Variants in MFSD8 observed in about 807,000 individuals in gnomAD.
The protein encoded by MFSD8 is major facilitator superfamily domain containing 8, also known as major facilitator superfamily domain-containing protein 8.
Under a neutral mutation model 66.4 loss-of-function variants are expected in MFSD8, and 55 were observed. The observed-to-expected ratio is 0.83, with a 90% CI of 0.67 to 1.04. The LOEUF (loss-of-function observed/expected upper bound fraction) is 1.04. Among genes scored for constraint, MFSD8 ranks in the 50% least tolerant of loss-of-function variants. The pLI, the probability that MFSD8 is intolerant of heterozygous loss-of-function variation, is 0.00. For synonymous variants in MFSD8, 202 were observed against 212.8 expected (o/e 0.95, Z 0.44); for missense variants, 550 against 627.6 (o/e 0.88, Z 1.32).
intron 9 of MFSD8, among the ~76,000 whole-genome samples, chr4:127,924,122 T>G (rs1736811248): frequency 6.6e-6 from 1 of 152,178 alleles, no homozygotes; most frequent in East Asian, 1.9e-4. Flanking sequence ...TATCTGGTCC[T>G]GGGCTTTTTT....
At chr4:127,942,604 C>G (rs1260161593) in intron 4 of MFSD8, among the ~76,000 whole-genome samples, 1 of 151,240 alleles carries the variant, frequency 6.6e-6, no homozygotes, top group Non-Finnish European at 1.5e-5. Context: ...TGCTTGAACC[C>G]AGGATGCTGA....
chr4:127,961,658 CA>C (rs895899720), intron 1 of MFSD8, among the ~76,000 whole-genome samples: 3 of 151,322 alleles, frequency 2.0e-5, no homozygotes, highest in Non-Finnish European at 3.0e-5. Context: ...ACTAAAAATA[CA>C]AAAAAAATTA....
rs138735042 is a variant in MFSD8, at chr4:127,940,647, T to C, written c.554-650A>G. Among the ~76,000 whole-genome samples, 884 of 151,766 alleles carry C rather than the reference T, an allele frequency of 5.8e-3. 4 individuals are homozygous for C. Among genetic ancestry groups the C allele is most frequent in the Middle Eastern group, 0.014 (4 of 294 alleles). ...AAGCATACATAATCCACCTTAGTATTTGAAGTTTTTTTTAGTGATTTTAAA... is the reference window on the plus strand; with the variant it reads ...AAGCATACATAATCCACCTTAGTATCTGAAGTTTTTTTTAGTGATTTTAAA... On this transcript the variant is annotated intron_variant, in intron 5 of 11. Coordinates refer to ENST00000641686, the MANE Select transcript of MFSD8 (RefSeq NM_001371596.2).
chr4:127,949,650 A>G (rs1424660216), intron 3 of MFSD8, among the ~76,000 whole-genome samples, 154 bp downstream of exon 3: 1 of 152,172 alleles, frequency 6.6e-6, no homozygotes, highest in Non-Finnish European at 1.5e-5. Context: ...ATATGGTCAC[A>G]TTACTTATAA....
chr4:127,935,930 T>C (rs960308092), intron 7 of MFSD8, among the ~76,000 whole-genome samples: 8 of 152,150 alleles, frequency 5.3e-5, no homozygotes, highest in African/African-American at 1.9e-4. Flanking sequence ...TCACATCACA[T>C]GGTAGTTTGT....
rs1249786492 is a variant in MFSD8 at position 127,941,898 on chromosome 4, G to A, written c.553+147C>T. 98 of 666,846 alleles carry A rather than the reference G, an allele frequency of 1.5e-4. No homozygotes were observed. The East Asian group carries it at 2.6e-3, about 18-fold the overall frequency. 41.3% of individuals were successfully genotyped at this position (666,846 alleles called of 1,614,324 possible). ...GGATTGGCATCAAGATAAAATGAGT[G>A]TAGCCTCATTCCTGGATTAAAAAAA... is the stretch of plus-strand genomic sequence containing the variant. On this transcript the variant is annotated intron_variant, in intron 5 of 11. Transcript: ENST00000641686.
At chr4:127,936,138 A>G (rs1221738401) in intron 7 of MFSD8, among the ~76,000 whole-genome samples, 1 of 151,952 alleles carries the variant, frequency 6.6e-6, no homozygotes, top group Non-Finnish European at 1.5e-5. Flanking sequence ...TTTTTGAGAC[A>G]GAGCCTCACT....
intron 6 of MFSD8, 166 bp from the exon 7 acceptor site, chr4:127,939,004 C>G (rs185032988): frequency 4.7e-5 from 22 of 463,726 alleles, no homozygotes; most frequent in Non-Finnish European, 5.4e-5. Context: ...AAACTTAAGA[C>G]AGAAGTTACA....
intron 7 of MFSD8, among the ~76,000 whole-genome samples, chr4:127,937,744 G>A (rs1031821287): frequency 6.6e-6 from 1 of 152,128 alleles, no homozygotes; most frequent in Non-Finnish European, 1.5e-5. Context: ...TGGAATCAAT[G>A]TCAAACTTCT....
chr4:127,965,257 T>C (rs566557774), upstream of MFSD8: 23 of 1,237,194 alleles, frequency 1.9e-5, no homozygotes, highest in Non-Finnish European at 2.4e-5. Flanking sequence ...CGGTCAGACG[T>C]AGGCGGAACG....
intron 3 of MFSD8, among the ~76,000 whole-genome samples, chr4:127,946,417 C>T (rs149516410): frequency 2.0e-5 from 3 of 152,174 alleles, no homozygotes; most frequent in African/African-American, 4.8e-5. Flanking sequence ...GTAGAGAAGA[C>T]GTTGCTCCAG....
At chr4:127,955,571 C>G (rs1218587450) in intron 2 of MFSD8, among the ~76,000 whole-genome samples, 1 of 148,560 alleles carries the variant, frequency 6.7e-6, no homozygotes, top group African/African-American at 2.5e-5. Flanking sequence ...GTGGTATATA[C>G]TGAAGGCAAT....
At chr4:127,921,322 C>T in intron 11 of MFSD8, 1 of 868,706 alleles carries the variant, frequency 1.2e-6, no homozygotes, top group Non-Finnish European at 1.7e-6. Flanking sequence ...ACTCCTACAA[C>T]TTCTGTATCC....
Position 127,943,855 on chromosome 4 carries a change from C to A in MFSD8, c.336G>T (p.Leu112Phe). 2 of 1,614,104 alleles carry A rather than the reference C, an allele frequency of 1.2e-6. No individual in the cohort carries two copies. The highest frequency in any genetic ancestry group is 1.7e-6 in the Non-Finnish European group (2 of 1,180,022). Reference sequence around the variant, plus strand: ...AGAGGCAGTTGGCTGCCACGGAAATCAAGATGGAGACAATAAGAGGCTCTT... The same window carrying A: ...AGAGGCAGTTGGCTGCCACGGAAATAAAGATGGAGACAATAAGAGGCTCTT... ...PRKEPLIVSILISVAANCLYA... is the reference protein window; with the variant it reads ...PRKEPLIVSIFISVAANCLYA... Residue 112 changes from leucine to phenylalanine, a missense_variant, in exon 4 of 12, where the codon TTG (leucine) becomes TTT (phenylalanine). Physicochemically the swap from Leu to Phe is conservative, Grantham distance 22. Transcript: ENST00000641686.
At chr4:127,949,208 C>G (rs1033895543) in intron 3 of MFSD8, among the ~76,000 whole-genome samples, 1 of 152,122 alleles carries the variant, frequency 6.6e-6, no homozygotes, top group Non-Finnish European at 1.5e-5. Context: ...ATTATGTAAC[C>G]AACTTATATA....
At chr4:127,950,692 C>CA (rs113940618) in intron 2 of MFSD8, among the ~76,000 whole-genome samples, 127 of 146,836 alleles carry the variant, frequency 8.6e-4, no homozygotes, top group Non-Finnish European at 1.6e-3. Flanking sequence ...GACTCCATCT[C>CA]AAAAAAAAAT....
At chr4:127,963,966 GA>G (rs975090000) in intron 1 of MFSD8, among the ~76,000 whole-genome samples, 5 of 152,032 alleles carry the variant, frequency 3.3e-5, no homozygotes, top group African/African-American at 1.2e-4. Context: ...AGTGTTGACA[GA>G]AAGGTTCTCC....
rs1736105099 is a variant in MFSD8, at chr4:127,919,345, A to G, written c.*1285T>C. ...ATGAGACACTGCACCCAACCTATAA[A>G]GTGCAGATTATATAGTGTTTATTCT... On this transcript the variant is annotated 3_prime_UTR_variant, in exon 12 of 12. Coordinates refer to ENST00000641686, the MANE Select transcript of MFSD8 (RefSeq NM_001371596.2). 6.6e-6 allele frequency: 1 copy of G among 152,194 alleles called. No individual in the cohort carries two copies. Among genetic ancestry groups the G allele is most frequent in the South Asian group, 2.1e-4 (1 of 4,830 alleles). 9.4% of individuals were successfully genotyped at this position (152,194 alleles called of 1,614,324 possible).
intron 5 of MFSD8, among the ~76,000 whole-genome samples, chr4:127,940,451 G>T (rs1180899159): frequency 6.7e-6 from 1 of 149,564 alleles, no homozygotes; most frequent in Non-Finnish European, 1.5e-5. Context: ...GGTTTAATCA[G>T]CTTCATTATA....
Sources: allele counts gnomAD v4.1 joint callset (sites outside exome capture counted in the v4.1 genomes callset), GRCh38; gene constraint gnomAD v4.1.1; transcripts MANE v1.5; gene names NCBI Gene and HGNC (gene_info 2026-07-23, HGNC 2026-07-21).